The following AFAP1L2 variants were observed in gnomAD, a reference collection of about 807,000 sequenced individuals.
AFAP1L2 encodes actin filament associated protein 1 like 2.
In AFAP1L2, 46 loss-of-function variants were observed where a neutral mutation model predicts 99.3. That is an observed-to-expected ratio of 0.46 (90% CI 0.37 to 0.59). The LOEUF is 0.59. AFAP1L2 is among the 20% of genes least tolerant of loss of function. The probability of loss-of-function intolerance (pLI) is 0.00; values close to 1 mark genes in which losing one functional copy is unlikely to be tolerated. For synonymous variants in AFAP1L2, 397 were observed against 419.1 expected (o/e 0.95, Z 0.64); for missense variants, 959 against 1,034.9 (o/e 0.93, Z 1.01).
intron 1 of AFAP1L2, among the ~76,000 whole-genome samples, chr10:114,358,594 T>C (rs926508521): frequency 2.6e-5 from 4 of 152,052 alleles, no homozygotes; most frequent in Admixed American, 6.6e-5. Flanking sequence ...ATAATAATAA[T>C]GATCATAAAA....
chr10:114,361,400 C>T (rs560162555), intron 1 of AFAP1L2, among the ~76,000 whole-genome samples: 64 of 152,300 alleles, frequency 4.2e-4, no homozygotes, highest in Middle Eastern at 3.4e-3. Flanking sequence ...TAACCTATCC[C>T]AGTCCAGAAA....
Position 114,369,769 on chromosome 10 carries a change from C to A in AFAP1L2, c.17-29038G>T, listed in dbSNP as rs1016812478. On this transcript the variant is annotated intron_variant, in intron 1 of 18. Transcript: ENST00000304129. ...TTTGGCAAACTACTTAAAACAAGTA[C>A]ATTTAAAATATAATATGTATACGTA... 2.6e-5 allele frequency among the ~76,000 whole-genome samples: 4 copies of A among 152,068 alleles called. No individual in the cohort carries two copies. In the South Asian group the frequency reaches 8.3e-4, roughly 31 times the overall value.
chr10:114,310,630 G>C (rs1252362174), intron 7 of AFAP1L2, among the ~76,000 whole-genome samples, 187 bp from the exon 8 acceptor site: 1 of 152,208 alleles, frequency 6.6e-6, no homozygotes, highest in Admixed American at 6.5e-5. Context: ...GACCCAGCTG[G>C]GCAGGCTGCA....
chr10:114,402,935 G>C (rs1216041836), intron 1 of AFAP1L2, among the ~76,000 whole-genome samples: 1 of 152,184 alleles, frequency 6.6e-6, no homozygotes, highest in African/African-American at 2.4e-5. Context: ...TCAACTCAAG[G>C]CCTGAATTCC....
chr10:114,308,620 G>C (rs1449479184), intron 8 of AFAP1L2, 103 bp from the exon 9 acceptor site: 1 of 997,470 alleles, frequency 1.0e-6, no homozygotes, highest in African/African-American at 1.6e-5. Context: ...TTGTATGCCA[G>C]AGGTCAGCTG....
chr10:114,295,077 C>T lies in AFAP1L2; in HGVS notation c.*965G>A, dbSNP rs541359281. 7.1e-6 allele frequency: 7 copies of T among 983,482 alleles called. No homozygotes were observed. The African/African-American group carries it at 1.1e-4, about 15-fold the overall frequency. 60.9% of individuals were successfully genotyped at this position (983,482 alleles called of 1,614,324 possible). ...GACAGGGGCAGCACAAGGAACAGCA[C>T]TGCCAATTTTAAGAGGGCGATCACC... On this transcript the variant is annotated 3_prime_UTR_variant, in exon 19 of 19. Coordinates refer to ENST00000304129, the MANE Select transcript of AFAP1L2 (RefSeq NM_001001936.3).
intron 4 of AFAP1L2, among the ~76,000 whole-genome samples, chr10:114,328,088 T>C (rs2046658756): frequency 6.6e-6 from 1 of 152,156 alleles, no homozygotes; most frequent in African/African-American, 2.4e-5. Context: ...AACATCTGTT[T>C]CTCCTGCAAG....
chr10:114,340,413 G>A (rs2048646129), intron 2 of AFAP1L2, among the ~76,000 whole-genome samples, 190 bp downstream of exon 2: 1 of 152,200 alleles, frequency 6.6e-6, no homozygotes, highest in Admixed American at 6.5e-5. Context: ...CAGCCCGCCA[G>A]GGAGAGAGGC....
At chr10:114,283,114 C>A in the AFAP1L2 span, among the ~76,000 whole-genome samples, 3 of 152,324 alleles carry the variant, frequency 2.0e-5, no homozygotes, top group Admixed American at 2.0e-4. Flanking sequence ...CCCTCACTAT[C>A]CCTCACTTGG....
intron 1 of AFAP1L2, chr10:114,363,230 T>G: frequency 3.1e-6 from 3 of 954,922 alleles, no homozygotes; most frequent in Non-Finnish European, 3.7e-6. Flanking sequence ...AATTCCAAGT[T>G]GCATCTCTTG....
At chr10:114,379,374 T>C (rs2055289606) in intron 1 of AFAP1L2, among the ~76,000 whole-genome samples, 1 of 152,060 alleles carries the variant, frequency 6.6e-6, no homozygotes, top group Admixed American at 6.6e-5. Context: ...CCCACAGTGA[T>C]GTCTAAAACA....
intron 5 of AFAP1L2, among the ~76,000 whole-genome samples, chr10:114,316,980 C>T (rs914223495): frequency 1.9e-4 from 29 of 152,348 alleles, no homozygotes; most frequent in African/African-American, 5.3e-4. Context: ...CCCTGACTTC[C>T]GCATGGCAGT....
chr10:114,350,378 T>C (rs191844283), intron 1 of AFAP1L2, among the ~76,000 whole-genome samples: 22 of 152,336 alleles, frequency 1.4e-4, no homozygotes, highest in African/African-American at 5.3e-4. Flanking sequence ...CCAAATGAAA[T>C]TGAAACTTCT....
At position 114,355,547 on chromosome 10, in the gene AFAP1L2, TA is replaced by T. The variant is rs35455768; in HGVS notation, c.17-14817del. On this transcript the variant is annotated intron_variant, in intron 1 of 18. Coordinates refer to ENST00000304129, the MANE Select transcript of AFAP1L2 (RefSeq NM_001001936.3). The stretch of plus-strand genomic sequence containing the variant: ...ATTCAGTGCATTAGCACTGGTAGCT[TA>T]AAAAAAAAAAAAGTTTTGCTGAGTT... 9.5e-3 allele frequency among the ~76,000 whole-genome samples: 1,362 copies of T among 143,326 alleles called. 16 individuals are homozygous for T. Among genetic ancestry groups the T allele is most frequent in the African/African-American group, 0.025 (993 of 39,682 alleles). 94.0% of individuals were successfully genotyped at this position (143,326 alleles called of 152,430 possible).
intron 6 of AFAP1L2, among the ~76,000 whole-genome samples, chr10:114,314,921 T>C (rs1263165670): frequency 6.6e-6 from 1 of 152,080 alleles, no homozygotes; most frequent in East Asian, 1.9e-4. Flanking sequence ...GGCAGGCAGA[T>C]CACAAAGTCC....
chr10:114,403,970 T>A (rs953036125), intron 1 of AFAP1L2, among the ~76,000 whole-genome samples: 1 of 152,186 alleles, frequency 6.6e-6, no homozygotes, highest in African/African-American at 2.4e-5. Context: ...CCCACTCCAC[T>A]GCCCAAGCGC....
intron 4 of AFAP1L2, 84 bp from the exon 5 acceptor site, chr10:114,323,345 A>G (rs546430295): frequency 2.6e-5 from 33 of 1,256,668 alleles, no homozygotes; most frequent in Non-Finnish European, 3.5e-5. Context: ...GTGGAAGTCT[A>G]GAAGACAAAA....
At chr10:114,305,385 GGC>G in intron 10 of AFAP1L2, among the ~76,000 whole-genome samples, 1 of 131,174 alleles carries the variant, frequency 7.6e-6, no homozygotes, top group East Asian at 2.6e-4. Context: ...GAGAGAGCGG[GGC>G]TGCAGGAGGG....
chr10:114,381,005 T>A (rs1051725702), intron 1 of AFAP1L2, among the ~76,000 whole-genome samples: 1 of 152,230 alleles, frequency 6.6e-6, no homozygotes. Flanking sequence ...TGTATGTATA[T>A]GCATGTGTGT....
Sources: gnomAD v4.1 joint callset for allele counts (sites outside exome capture counted in the v4.1 genomes callset) on GRCh38, gnomAD v4.1.1 for gene constraint, MANE v1.5 for transcripts, NCBI Gene and HGNC (gene_info 2026-07-23, HGNC 2026-07-21) for gene names.